Variants in NUAK1 observed in about 807,000 individuals in gnomAD.
NUAK1 encodes NUAK family SNF1-like kinase 1.
In NUAK1, 26 loss-of-function variants were observed where a neutral mutation model predicts 56.9. That is an observed-to-expected ratio of 0.46 (90% CI 0.33 to 0.63). The LOEUF (loss-of-function observed/expected upper bound fraction) is 0.63, where lower values mean the gene tolerates loss of function less well. NUAK1 is among the 30% of genes least tolerant of loss of function. The pLI is 0.02. For synonymous variants in NUAK1, 337 were observed against 336.0 expected (o/e 1.00, Z -0.03); for missense variants, 727 against 876.1 (o/e 0.83, Z 2.15).
chr12:106,101,325 C>T (rs1565923816), intron 2 of NUAK1, among the ~76,000 whole-genome samples: 1 of 152,218 alleles, frequency 6.6e-6, no homozygotes, highest in Non-Finnish European at 1.5e-5. Flanking sequence ...GTAGCCATGA[C>T]CCCCAGTGTG....
intron 1 of NUAK1, among the ~76,000 whole-genome samples, chr12:106,110,818 T>C (rs2032851288): frequency 6.6e-6 from 1 of 152,240 alleles, no homozygotes; most frequent in Non-Finnish European, 1.5e-5. Context: ...GGAGAACCTG[T>C]GAATCCCGCC....
chr12:106,123,782 G>T (rs1431600955), intron 1 of NUAK1, among the ~76,000 whole-genome samples: 1 of 152,154 alleles, frequency 6.6e-6, no homozygotes, highest in Non-Finnish European at 1.5e-5. Context: ...GCAAAGCCAG[G>T]CCACAGCTGC....
chr12:106,069,795 A>G (rs1371402872), intron 6 of NUAK1, among the ~76,000 whole-genome samples: 1 of 151,556 alleles, frequency 6.6e-6, no homozygotes, highest in East Asian at 1.9e-4. Flanking sequence ...ACAGATATAC[A>G]TATATATATA....
intron 2 of NUAK1, 29 bp downstream of exon 2, chr12:106,106,375 TG>T (rs772188002): frequency 3.9e-6 from 6 of 1,521,582 alleles, no homozygotes; most frequent in Admixed American, 1.9e-5. Context: ...GTAACTGATA[TG>T]GGGGTTAAAA....
intron 1 of NUAK1, among the ~76,000 whole-genome samples, chr12:106,113,747 G>A (rs1260322540): frequency 6.6e-6 from 1 of 150,914 alleles, no homozygotes; most frequent in Non-Finnish European, 1.5e-5. Flanking sequence ...GCTTCCTTGA[G>A]GGGGCTCAGT....
chr12:106,102,145 C>T (rs377307409), intron 2 of NUAK1, among the ~76,000 whole-genome samples: 1 of 152,134 alleles, frequency 6.6e-6, no homozygotes, highest in South Asian at 2.1e-4. Flanking sequence ...TGTAAGACCC[C>T]GAGAGTTTTC....
chr12:106,083,420 T>G (rs1240801394), intron 4 of NUAK1, among the ~76,000 whole-genome samples: 1 of 152,222 alleles, frequency 6.6e-6, no homozygotes, highest in Non-Finnish European at 1.5e-5. Flanking sequence ...GCAAATTACT[T>G]AGTTTTTCTG....
Position 106,106,501 on chromosome 12 carries a change from C to A in NUAK1, c.265G>T (p.Asp89Tyr). The A allele has an allele frequency of 6.2e-7, 1 of 1,612,940 alleles. No homozygotes were observed. Among genetic ancestry groups the A allele is most frequent in the South Asian group, 1.1e-5 (1 of 90,896 alleles). The change falls in exon 2 of 7, where the codon GAC becomes TAC. Residue 89 changes from aspartate to tyrosine, a missense_variant. Physicochemically the swap from Asp to Tyr is radical, Grantham distance 160. Coordinates refer to ENST00000261402, the MANE Select transcript of NUAK1 (RefSeq NM_014840.3). Reference protein sequence around the residue: ...RVVAIKSIRKDKIKDEQDMVH... With the variant: ...RVVAIKSIRKYKIKDEQDMVH... ...ATGTCTTGTTCATCCTTAATTTTGT[C>A]CTTACGAATGGATTTTATAGCAACC...
chr12:106,074,721 C>A (rs1480244066), intron 4 of NUAK1, among the ~76,000 whole-genome samples: 1 of 152,156 alleles, frequency 6.6e-6, no homozygotes, highest in African/African-American at 2.4e-5. Context: ...CTGAATACCA[C>A]CGAGGCTCTG....
intron 1 of NUAK1, among the ~76,000 whole-genome samples, chr12:106,132,586 C>T (rs1264868228): frequency 6.6e-6 from 1 of 152,120 alleles, no homozygotes; most frequent in African/African-American, 2.4e-5. Flanking sequence ...CCCTCAAAGC[C>T]CCCTAGGGAC....
At chr12:106,113,498 G>A (rs906628664) in intron 1 of NUAK1, among the ~76,000 whole-genome samples, 2 of 151,940 alleles carry the variant, frequency 1.3e-5, no homozygotes, top group Admixed American at 1.3e-4. Flanking sequence ...CCCAGAGCTA[G>A]TGAATGAAGG....
chr12:106,108,923 C>T (rs2032831807), intron 1 of NUAK1, among the ~76,000 whole-genome samples: 1 of 152,198 alleles, frequency 6.6e-6, no homozygotes, highest in Admixed American at 6.5e-5. Context: ...TGCCCACATT[C>T]TCATCAAGCC....
At chr12:106,088,032 T>C (rs1237842878) in intron 2 of NUAK1, among the ~76,000 whole-genome samples, 1 of 152,194 alleles carries the variant, frequency 6.6e-6, no homozygotes, top group East Asian at 1.9e-4. Flanking sequence ...TGCTTCTTTC[T>C]ACCCAATGCT....
intron 1 of NUAK1, among the ~76,000 whole-genome samples, chr12:106,135,511 T>C (rs995392724): frequency 2.6e-5 from 4 of 152,224 alleles, no homozygotes; most frequent in African/African-American, 9.6e-5. Context: ...ATCCTCATTT[T>C]TTAGAAACTT....
chr12:106,078,297 T>C (rs1328936460), intron 4 of NUAK1, among the ~76,000 whole-genome samples: 2 of 152,224 alleles, frequency 1.3e-5, no homozygotes, highest in East Asian at 3.8e-4. Flanking sequence ...GCTACATATA[T>C]TGATGTAGTA....
chr12:106,113,628 G>A (rs568790096), intron 1 of NUAK1, among the ~76,000 whole-genome samples: 1 of 150,768 alleles, frequency 6.6e-6, no homozygotes, highest in South Asian at 2.2e-4. Flanking sequence ...ATGTGGCCCT[G>A]ACGACACCTA....
chr12:106,091,039 A>G (rs1172397063), intron 2 of NUAK1, among the ~76,000 whole-genome samples: 4 of 152,234 alleles, frequency 2.6e-5, no homozygotes, highest in East Asian at 1.9e-4. Context: ...TAAGGTCACT[A>G]TCTACAAGGT....
intron 1 of NUAK1, among the ~76,000 whole-genome samples, chr12:106,125,552 T>C (rs984963231): frequency 6.6e-6 from 1 of 152,144 alleles, no homozygotes. Context: ...AAAAAGCACG[T>C]AAATAGTTAG....
intron 5 of NUAK1, among the ~76,000 whole-genome samples, chr12:106,071,597 A>G (rs774044364): frequency 6.6e-6 from 1 of 152,124 alleles, no homozygotes; most frequent in Non-Finnish European, 1.5e-5. Context: ...GAAATCTCCC[A>G]ATTATTACAT....
Sources: gnomAD v4.1 joint callset for allele counts (sites outside exome capture counted in the v4.1 genomes callset) on GRCh38, gnomAD v4.1.1 for gene constraint, MANE v1.5 for transcripts, NCBI Gene and HGNC (gene_info 2026-07-23, HGNC 2026-07-21) for gene names.